PSTPIP2: variants seen among roughly 807,000 people sequenced by gnomAD.
PSTPIP2 encodes proline-serine-threonine phosphatase interacting protein 2, also known as proline-serine-threonine phosphatase-interacting protein 2.
Under a neutral mutation model 63.3 loss-of-function variants are expected in PSTPIP2, and 33 were observed. The observed-to-expected ratio is 0.52, with a 90% CI of 0.40 to 0.70. The LOEUF is 0.70. Among genes scored for constraint, PSTPIP2 ranks in the 30% least tolerant of loss-of-function variants. The pLI, the probability that PSTPIP2 is intolerant of heterozygous loss-of-function variation, is 0.00. For synonymous variants in PSTPIP2, 125 were observed against 132.7 expected (o/e 0.94, Z 0.40); for missense variants, 312 against 400.7 (o/e 0.78, Z 1.89).
chr18:46,019,699 G>T (rs72920415), intron 3 of PSTPIP2, among the ~76,000 whole-genome samples: 6,269 of 152,304 alleles, frequency 0.041, 234 homozygotes, highest in Admixed American at 0.12. Context: ...TACTTGGGAA[G>T]CTGAAGCACA....
At chr18:46,029,146 G>C (rs1195082020) in intron 2 of PSTPIP2, 2 of 878,788 alleles carry the variant, frequency 2.3e-6, no homozygotes, top group African/African-American at 3.2e-5. Context: ...TTAGCCATGA[G>C]TACTCACAGC....
chr18:46,035,902 G>T (rs1292087641), intron 2 of PSTPIP2, among the ~76,000 whole-genome samples: 5 of 152,130 alleles, frequency 3.3e-5, no homozygotes, highest in African/African-American at 4.8e-5. Flanking sequence ...GTGCCAAAGG[G>T]ATGTGTAAGC....
intron 13 of PSTPIP2, 32 bp downstream of exon 13, chr18:45,990,690 A>T: frequency 6.4e-7 from 1 of 1,570,618 alleles, no homozygotes; most frequent in Non-Finnish European, 8.8e-7. Flanking sequence ...TTGCAATATA[A>T]GAATTTCAAA....
intron 14 of PSTPIP2, among the ~76,000 whole-genome samples, chr18:45,985,992 G>T (rs1050336329): frequency 2.0e-5 from 3 of 152,036 alleles, no homozygotes; most frequent in Admixed American, 1.3e-4. Context: ...GGCCAGGCTG[G>T]TCTCAAACTC....
intron 2 of PSTPIP2, among the ~76,000 whole-genome samples, chr18:46,037,492 CA>C (rs1284519370): frequency 2.0e-5 from 3 of 152,108 alleles, no homozygotes; most frequent in African/African-American, 7.2e-5. Context: ...GTTTAAGACT[CA>C]AGGAGGATGT....
At chr18:46,035,371 G>A (rs2144106387) in intron 2 of PSTPIP2, among the ~76,000 whole-genome samples, 1 of 150,164 alleles carries the variant, frequency 6.7e-6, no homozygotes, top group African/African-American at 2.4e-5. Flanking sequence ...AGTGAGCTGA[G>A]ATCGCACCAC....
chr18:45,990,286 A>G (rs2051512461), intron 13 of PSTPIP2, among the ~76,000 whole-genome samples: 1 of 152,234 alleles, frequency 6.6e-6, no homozygotes, highest in Admixed American at 6.5e-5. Flanking sequence ...AAGTAGTATT[A>G]TAGTAAGATT....
In PSTPIP2 at chr18:45,986,980, G is replaced by A. The variant is rs368068174; in HGVS notation, c.*9-1530C>T. The stretch of plus-strand genomic sequence containing the variant: ...AGGGTCCTAAGTAGCTGGGGCTACA[G>A]GTGCCTGCCACCATGGCTGGCTACT... On this transcript the variant is annotated intron_variant, in intron 14 of 14. Transcript: ENST00000409746. Among the ~76,000 whole-genome samples, 208 of 152,234 alleles carry A rather than the reference G, an allele frequency of 1.4e-3. 2 individuals carry two copies. Among genetic ancestry groups the A allele is most frequent in the African/African-American group, 4.8e-3 (199 of 41,528 alleles).
At chr18:45,998,145 C>A (rs1164513764) in intron 8 of PSTPIP2, among the ~76,000 whole-genome samples, 4 of 152,158 alleles carry the variant, frequency 2.6e-5, no homozygotes, top group Non-Finnish European at 5.9e-5. Flanking sequence ...CAGTATTTCC[C>A]ATCGCTTTTC....
At chr18:46,019,628 C>T (rs1469548409) in intron 3 of PSTPIP2, among the ~76,000 whole-genome samples, 1 of 152,074 alleles carries the variant, frequency 6.6e-6, no homozygotes, top group Non-Finnish European at 1.5e-5. Context: ...TGGTGTAACC[C>T]CTTCTCCACT....
chr18:46,029,366 A>G, intron 2 of PSTPIP2: 1 of 1,560,126 alleles, frequency 6.4e-7, no homozygotes, highest in Non-Finnish European at 8.8e-7. Context: ...GGGTTGCAGC[A>G]TCCACGTTCT....
At chr18:46,040,349 G>A (rs1017853201) in intron 1 of PSTPIP2, 1 of 265,154 alleles carries the variant, frequency 3.8e-6, no homozygotes, top group Non-Finnish European at 7.2e-6. Flanking sequence ...GTCACAAGAT[G>A]TTTGGTTCCC....
At chr18:45,992,427 T>G (rs1317471438) in intron 10 of PSTPIP2, among the ~76,000 whole-genome samples, 1 of 151,850 alleles carries the variant, frequency 6.6e-6, no homozygotes, top group Non-Finnish European at 1.5e-5. Flanking sequence ...CCAGGCATGG[T>G]GGCAGGCGCC....
intron 1 of PSTPIP2, among the ~76,000 whole-genome samples, chr18:46,044,139 C>T (rs1455028189): frequency 6.6e-6 from 1 of 152,012 alleles, no homozygotes; most frequent in African/African-American, 2.4e-5. Flanking sequence ...CAAGTCAGAC[C>T]TAAAATTTAT....
intron 6 of PSTPIP2, among the ~76,000 whole-genome samples, chr18:46,000,837 T>G (rs1210862390): frequency 6.6e-6 from 1 of 152,224 alleles, no homozygotes; most frequent in Admixed American, 6.5e-5. Flanking sequence ...AAGACTTTTT[T>G]AAACACCAAA....
chr18:46,028,968 C>G, intron 2 of PSTPIP2: 6 of 1,050,638 alleles, frequency 5.7e-6, no homozygotes, highest in Non-Finnish European at 6.0e-6. Flanking sequence ...CTGCTCAGAT[C>G]TCATCTGTGC....
chr18:46,063,009 A>T (rs1255870112), intron 1 of PSTPIP2, among the ~76,000 whole-genome samples: 1 of 152,174 alleles, frequency 6.6e-6, no homozygotes, highest in Non-Finnish European at 1.5e-5. Context: ...CTCAAAAGAC[A>T]GTATTTTTAG....
chr18:46,014,061 C>T (rs57141604), intron 4 of PSTPIP2, among the ~76,000 whole-genome samples: 18,805 of 151,588 alleles, frequency 0.12, 1,454 homozygotes, highest in East Asian at 0.38. Context: ...CTTACTCTGT[C>T]GCCCACGCTG....
At chr18:46,044,185 A>T (rs1042485662) in intron 1 of PSTPIP2, among the ~76,000 whole-genome samples, 2 of 152,238 alleles carry the variant, frequency 1.3e-5, no homozygotes, top group African/African-American at 2.4e-5. Context: ...GAAACAAAAA[A>T]GAGTCTGCAT....
Sources: allele counts gnomAD v4.1 joint callset (sites outside exome capture counted in the v4.1 genomes callset), GRCh38; gene constraint gnomAD v4.1.1; transcripts MANE v1.5; gene names NCBI Gene and HGNC (gene_info 2026-07-23, HGNC 2026-07-21).